STYXL2: variants seen among roughly 807,000 people sequenced by gnomAD.
STYXL2 encodes serine/threonine/tyrosine-interacting-like protein 2.
STYXL2 carries 44 observed loss-of-function variants against 52.4 expected under a neutral mutation model. The ratio of observed to expected loss-of-function variants is 0.84; its 90% CI spans 0.66 to 1.08. STYXL2 has a LOEUF of 1.08. STYXL2 is among the 50% of genes least tolerant of loss of function. STYXL2 has a pLI of 0.00. For missense variants in STYXL2, 1,604 were observed against 1,471.7 expected, an observed-to-expected ratio of 1.09 and a Z score of -1.47; for synonymous variants, 604 against 586.9, an observed-to-expected ratio of 1.03 and a Z score of -0.42.
At chr1:167,108,044 G>A (rs1558020107) in intron 2 of STYXL2, among the ~76,000 whole-genome samples, 1 of 152,176 alleles carries the variant, frequency 6.6e-6, no homozygotes, top group South Asian at 2.1e-4. Context: ...GAGCCAAAGA[G>A]AACCCAGTGC....
chr1:167,125,942 C>T lies in STYXL2; in HGVS notation c.811C>T (p.Leu271=), dbSNP rs1029218393. The T allele has an allele frequency of 5.0e-6, 8 of 1,613,862 alleles. No individual in the cohort carries two copies. In the African/African-American group the frequency reaches 9.3e-5, roughly 19 times the overall value. ...IYPNEGFLKQ[L]RELNEKLMEE... The stretch of plus-strand genomic sequence containing the variant: ...CCCCAATGAGGGCTTCCTGAAGCAG[C>T]TGCGGGAGCTCAATGAGAAGTTGAT... Residue 271 remains leucine (L), a synonymous_variant, in exon 6 of 6, where the codon CTG becomes TTG. Transcript: ENST00000361200.
intron 1 of STYXL2, 141 bp from the exon 2 acceptor site, chr1:167,094,693 G>C (rs2102216103): frequency 3.2e-6 from 2 of 631,076 alleles, no homozygotes; most frequent in Middle Eastern, 5.3e-4. Flanking sequence ...AGGTCTGACT[G>C]GATATTCCTT....
At chr1:167,105,460 C>G (rs944523962) in intron 2 of STYXL2, among the ~76,000 whole-genome samples, 2 of 152,186 alleles carry the variant, frequency 1.3e-5, no homozygotes, top group African/African-American at 4.8e-5. Flanking sequence ...CCAGCCCTCA[C>G]TGCTTTCTAA....
In STYXL2 at chr1:167,128,329, G is replaced by A. The variant is rs754491892; in HGVS notation, c.3198G>A (p.Arg1066=). 22 of 1,613,882 alleles carry A rather than the reference G, an allele frequency of 1.4e-5. No individual in the cohort carries two copies. The highest frequency in any genetic ancestry group is 1.6e-5 in the Non-Finnish European group (19 of 1,179,926). ...AGCGCCCAAATTGGGCCAGGTCCAG[G>A]GACTGGGAAGATGTGGAAGAGTCAT... is the stretch of plus-strand genomic sequence containing the variant. ...EPQRPNWARS[R]DWEDVEESSK... The change falls in exon 6 of 6, where the codon AGG becomes AGA. Residue 1066 remains arginine, a synonymous_variant. Transcript: ENST00000361200.
rs142053536 is a variant in STYXL2 at position 167,116,865 on chromosome 1, G to C, written c.206-463G>C. On this transcript the variant is annotated intron_variant, in intron 3 of 5. Coordinates refer to ENST00000361200, the MANE Select transcript of STYXL2 (RefSeq NM_001080426.3). Reference sequence around the variant, plus strand: ...GTGTTTCACCATGTTGGTCAGATTGGTCTTGAACTGCTGACCTCAGGTCAT... The same window carrying C: ...GTGTTTCACCATGTTGGTCAGATTGCTCTTGAACTGCTGACCTCAGGTCAT... 4.3e-4 allele frequency among the ~76,000 whole-genome samples: 66 copies of C among 152,168 alleles called. 1 individual carries two copies. The East Asian group carries it at 0.01, about 24-fold the overall frequency.
intron 2 of STYXL2, among the ~76,000 whole-genome samples, chr1:167,107,166 T>C (rs939379159): frequency 2.0e-5 from 3 of 152,138 alleles, no homozygotes; most frequent in Non-Finnish European, 4.4e-5. Context: ...AGCTTGGTGT[T>C]CTGGGGGTAG....
In STYXL2 at chr1:167,125,833, G is replaced by A; in HGVS notation, c.702G>A (p.Val234=). Residue 234 remains valine, a synonymous_variant, in exon 6 of 6, where the codon GTG becomes GTA. Coordinates refer to ENST00000361200, the MANE Select transcript of STYXL2 (RefSeq NM_001080426.3). ...AAATGGGCATCAGCCGGTCAGCAGT[G>A]CTGGTGGTCGCCTACCTGATGATCT... ...SSEMGISRSA[V]LVVAYLMIFH... The A allele has an allele frequency of 1.2e-6, 2 of 1,613,174 alleles. No homozygotes were observed. Among genetic ancestry groups the A allele is most frequent in the Admixed American group, 1.7e-5 (1 of 59,864 alleles).
chr1:167,118,495 A>G (rs1018772790), intron 4 of STYXL2, among the ~76,000 whole-genome samples: 5 of 152,234 alleles, frequency 3.3e-5, no homozygotes, highest in African/African-American at 1.2e-4. Flanking sequence ...AGAGCTGGGC[A>G]CCAAGTCTTA....
In STYXL2 at chr1:167,126,251, T is replaced by A; in HGVS notation, c.1120T>A (p.Ser374Thr). 1 of 1,542,814 alleles carries A rather than the reference T, an allele frequency of 6.5e-7. No individual in the cohort carries two copies. The highest frequency in any genetic ancestry group is 8.7e-7 in the Non-Finnish European group (1 of 1,148,142). The part of the protein sequence containing the change: ...KVPQDGGGWR[S>T]ASSGQGGEEL... Reference sequence around the variant, plus strand: ...CCCCCAGGATGGAGGTGGCTGGCGCTCAGCCTCCTCTGGCCAGGGTGGGGA... The same window carrying A: ...CCCCCAGGATGGAGGTGGCTGGCGCACAGCCTCCTCTGGCCAGGGTGGGGA... The change falls in exon 6 of 6, where the codon TCA becomes ACA. Residue 374 changes from serine (S) to threonine (T), a missense_variant. Coordinates refer to ENST00000361200, the MANE Select transcript of STYXL2 (RefSeq NM_001080426.3).
intron 2 of STYXL2, among the ~76,000 whole-genome samples, chr1:167,107,514 C>T (rs1412725622): frequency 6.6e-6 from 1 of 152,248 alleles, no homozygotes; most frequent in African/African-American, 2.4e-5. Flanking sequence ...CAAGATCCTG[C>T]TTTTGCTTTG....
At chr1:167,094,389 C>T (rs962528367) in intron 1 of STYXL2, 195 bp downstream of exon 1, 1 of 172,062 alleles carries the variant, frequency 5.8e-6, no homozygotes, top group Non-Finnish European at 1.3e-5. Context: ...GTTAGAGACA[C>T]CGAAGGCCAG....
intron 3 of STYXL2, among the ~76,000 whole-genome samples, chr1:167,115,266 C>G (rs970253774): frequency 6.6e-6 from 1 of 152,124 alleles, no homozygotes; most frequent in Admixed American, 6.5e-5. Context: ...TATATGCTCA[C>G]TAGTGATTAC....
chr1:167,102,147 A>G (rs1478436410), intron 2 of STYXL2, among the ~76,000 whole-genome samples: 2 of 148,794 alleles, frequency 1.3e-5, no homozygotes, highest in East Asian at 2.0e-4. Context: ...TGGGGGGCAT[A>G]GGGCAGGGAG....
At chr1:167,102,397 T>C (rs975478022) in intron 2 of STYXL2, among the ~76,000 whole-genome samples, 4 of 152,040 alleles carry the variant, frequency 2.6e-5, no homozygotes, top group African/African-American at 9.7e-5. Context: ...GAGACCAAAA[T>C]TGAGGTCAGA....
At chr1:167,114,076 G>A (rs1229512214) in intron 3 of STYXL2, among the ~76,000 whole-genome samples, 1 of 152,094 alleles carries the variant, frequency 6.6e-6, no homozygotes, top group Non-Finnish European at 1.5e-5. Flanking sequence ...GTTACCTCAG[G>A]GGTCCTGAGG....
chr1:167,127,750 G>C lies in STYXL2; in HGVS notation c.2619G>C (p.Lys873Asn). Residue 873 changes from lysine to asparagine, a missense_variant, in exon 6 of 6, where the codon AAG becomes AAC. Physicochemically the swap from Lys to Asn is moderately conservative, Grantham distance 94. Transcript: ENST00000361200. ...GCAGCTCCCTCTTCAAGAAGAAGAA[G>C]GTCAAGGAAGATGAGGATGATGGTG... ...NKRSSLFKKKKVKEDEDDGVG... is the reference protein window; with the variant it reads ...NKRSSLFKKKNVKEDEDDGVG... The C allele has an allele frequency of 6.2e-7, 1 of 1,614,012 alleles. No homozygotes were observed. The highest frequency in any genetic ancestry group is 8.5e-7 in the Non-Finnish European group (1 of 1,180,008).
chr1:167,098,023 T>TG (rs1667327165), intron 2 of STYXL2, among the ~76,000 whole-genome samples: 1 of 144,306 alleles, frequency 6.9e-6, no homozygotes, highest in Non-Finnish European at 1.5e-5. Flanking sequence ...TTTTTTTTTT[T>TG]TTTTTTTGAG....
intron 2 of STYXL2, among the ~76,000 whole-genome samples, chr1:167,112,474 T>G (rs934943816): frequency 6.6e-6 from 1 of 152,228 alleles, no homozygotes; most frequent in African/African-American, 2.4e-5. Context: ...TCTGCTCAAC[T>G]CAACTTTACT....
At chr1:167,123,689 T>A (rs138171702) in intron 5 of STYXL2, among the ~76,000 whole-genome samples, 49 of 152,338 alleles carry the variant, frequency 3.2e-4, no homozygotes, top group Non-Finnish European at 5.9e-4. Flanking sequence ...ACTGGTATGA[T>A]CTCAGCTCAC....
Sources: gnomAD v4.1 joint callset for allele counts (sites outside exome capture counted in the v4.1 genomes callset) on GRCh38, gnomAD v4.1.1 for gene constraint, MANE v1.5 for transcripts, NCBI Gene and HGNC (gene_info 2026-07-23, HGNC 2026-07-21) for gene names.